The following PPT1 variants were observed in gnomAD, a reference collection of about 807,000 sequenced individuals.
PPT1 encodes palmitoyl-protein thioesterase 1, also known as ceroid-palmitoyl-palmitoyl-protein thioesterase 1.
In PPT1, 24 loss-of-function variants were observed where a neutral mutation model predicts 44.0. That is an observed-to-expected ratio of 0.54 (90% confidence interval 0.39 to 0.77). PPT1 has a LOEUF of 0.77. PPT1 is among the 30% of genes least tolerant of loss of function. PPT1 has a pLI of 0.00. For synonymous variants in PPT1, 148 were observed against 140.2 expected, an observed-to-expected ratio of 1.06 and a Z score of -0.39; for missense variants, 341 against 378.8, an observed-to-expected ratio of 0.90 and a Z score of 0.83.
chr1:40,083,816 A>G (rs1020888653), intron 5 of PPT1, among the ~76,000 whole-genome samples: 7 of 152,056 alleles, frequency 4.6e-5, no homozygotes, highest in Admixed American at 4.6e-4. Flanking sequence ...GAGGGTGAGG[A>G]GGGAAAATCA....
chr1:40,078,587 A>G lies in PPT1; in HGVS notation c.699T>C (p.Asp233=). Residue 233 remains aspartate (D), a synonymous_variant, in exon 7 of 9, where the codon GAT becomes GAC. Coordinates refer to ENST00000642050, the MANE Select transcript of PPT1 (RefSeq NM_000310.4). ...CCGAATCTACAGGGTCCACAATGGA[A>G]TCATTGAGGAATTTCACCATCACAA... ...KKFVMVKFLN[D]SIVDPVDSEW... The G allele has an allele frequency of 6.2e-7, 1 of 1,613,824 alleles. No individual in the cohort carries two copies. The highest frequency in any genetic ancestry group is 8.5e-7 in the Non-Finnish European group (1 of 1,179,758).
chr1:40,091,300 G>GA (rs1431901797), intron 4 of PPT1, 29 bp downstream of exon 4: 1 of 1,599,430 alleles, frequency 6.3e-7, no homozygotes, highest in Non-Finnish European at 8.6e-7. Flanking sequence ...TTAGAATACA[G>GA]AAAAAAGAAA....
chr1:40,092,488 G>A lies in PPT1; in HGVS notation c.144C>T (p.Pro48=), dbSNP rs1265214190. ...WHGMGDSCCN[P]LSMGAIKKMV... Reference sequence around the variant, plus strand: ...TTTTTTTAATAGCACCCATGCTTAAGGGATTGCAACAGCTGTCTCCTAGCC... The same window carrying A: ...TTTTTTTAATAGCACCCATGCTTAAAGGATTGCAACAGCTGTCTCCTAGCC... The change falls in exon 2 of 9, where the codon CCC becomes CCT. Residue 48 remains proline, a synonymous_variant. Coordinates refer to ENST00000642050, the MANE Select transcript of PPT1 (RefSeq NM_000310.4). 2 of 1,613,000 alleles carry A rather than the reference G, an allele frequency of 1.2e-6. No individual in the cohort carries two copies. Among genetic ancestry groups the A allele is most frequent in the Non-Finnish European group, 8.5e-7 (1 of 1,178,992 alleles).
intron 5 of PPT1, among the ~76,000 whole-genome samples, chr1:40,088,378 C>T: frequency 6.6e-6 from 1 of 152,062 alleles, no homozygotes; most frequent in East Asian, 1.9e-4. Context: ...AACTCTTGAC[C>T]TCATGATCCA....
intron 6 of PPT1, 25 bp downstream of exon 6, chr1:40,080,372 A>G: frequency 1.2e-6 from 2 of 1,603,646 alleles, no homozygotes; most frequent in Non-Finnish European, 8.5e-7. Flanking sequence ...ACGCACATCT[A>G]TGGGAGCCCG....
intron 8 of PPT1, 120 bp downstream of exon 8, chr1:40,076,722 A>C: frequency 6.3e-7 from 1 of 1,581,802 alleles, no homozygotes; most frequent in South Asian, 1.1e-5. Flanking sequence ...CAGGTGTTTC[A>C]GGAGTACCTA....
Position 40,073,898 on chromosome 1 carries a change from A to G in PPT1, c.*163T>C. 3 of 959,292 alleles carry G rather than the reference A, an allele frequency of 3.1e-6. No individual in the cohort carries two copies. Among genetic ancestry groups the G allele is most frequent in the East Asian group, 2.4e-5 (1 of 41,354 alleles). The allele number at this position is 959,292 out of a possible 1,614,324, so 59.4% of individuals were successfully genotyped here. On this transcript the variant is annotated 3_prime_UTR_variant, in exon 9 of 9. Transcript: ENST00000642050. ...ATATGGTAACAGAAGATGGCAAAGG[A>G]TAAGATTCAGATCTTAGATCTTTCC...
At position 40,073,253 on chromosome 1, in the gene PPT1, A is replaced by C. The variant is rs564570237; in HGVS notation, c.*808T>G. 2.0e-5 allele frequency: 3 copies of C among 152,288 alleles called. No homozygotes were observed. The highest frequency in any genetic ancestry group is 2.0e-4 in the Admixed American group (3 of 15,280). 9.4% of individuals were successfully genotyped at this position (152,288 alleles called of 1,614,324 possible). On this transcript the variant is annotated 3_prime_UTR_variant, in exon 9 of 9. Coordinates refer to ENST00000642050, the MANE Select transcript of PPT1 (RefSeq NM_000310.4). Reference sequence around the variant, plus strand: ...CTAAAGCCAGCAACAGAGTAAGTTGACTCTAGCATCAAGACCACTAGTCAT... The same window carrying C: ...CTAAAGCCAGCAACAGAGTAAGTTGCCTCTAGCATCAAGACCACTAGTCAT...
At position 40,072,873 on chromosome 1, in the gene PPT1, A is replaced by G. The variant is rs1648309535; in HGVS notation, c.*1188T>C. 6.6e-6 allele frequency: 1 copy of G among 152,240 alleles called. No homozygotes were observed. Among genetic ancestry groups the G allele is most frequent in the South Asian group, 2.1e-4 (1 of 4,832 alleles). 9.4% of individuals were successfully genotyped at this position (152,240 alleles called of 1,614,324 possible). A position where few individuals can be genotyped will look rare whatever the true frequency, so the allele number is the denominator to read the frequency against. The stretch of plus-strand genomic sequence containing the variant: ...TTAGCAGCACCAACACGGTTCTTTC[A>G]TCAAGGCGTAGCTCATCATTTCTCC... On this transcript the variant is annotated 3_prime_UTR_variant, in exon 9 of 9. Coordinates refer to ENST00000642050, the MANE Select transcript of PPT1 (RefSeq NM_000310.4).
chr1:40,096,979 T>C, intron 1 of PPT1, 136 bp downstream of exon 1: 1 of 1,493,068 alleles, frequency 6.7e-7, no homozygotes, highest in South Asian at 1.1e-5. Context: ...TGCAGATCCT[T>C]CAAATCCTAA....
Position 40,074,177 on chromosome 1 carries a change from G to A in PPT1, c.805C>T (p.Leu269=). ...GCATTGTCCATTTCCTTTAGCCCCA[G>A]GCGGTCCTGCAGAAGGAAAGGCCAT... ...QETSLYTQDR[L]GLKEMDNAGQ... Residue 269 remains leucine, a synonymous_variant, in exon 9 of 9, where the codon CTG becomes TTG. Transcript: ENST00000642050. 6.2e-7 allele frequency: 1 copy of A among 1,614,176 alleles called. No homozygotes were observed. The highest frequency in any genetic ancestry group is 1.1e-5 in the South Asian group (1 of 91,084).
intron 5 of PPT1, among the ~76,000 whole-genome samples, chr1:40,080,863 G>A (rs867845756): frequency 6.6e-6 from 1 of 152,122 alleles, no homozygotes; most frequent in Admixed American, 6.5e-5. Context: ...GACAGAGTGA[G>A]ACTCTGTCTC....
At chr1:40,081,268 G>A (rs998139454) in intron 5 of PPT1, among the ~76,000 whole-genome samples, 7 of 152,152 alleles carry the variant, frequency 4.6e-5, no homozygotes, top group African/African-American at 1.7e-4. Context: ...AGATTCTGTG[G>A]CTCATGCTTA....
rs139153836 is a variant in PPT1 at position 40,076,452 on chromosome 1, G to A, written c.798+390C>T. The stretch of plus-strand genomic sequence containing the variant: ...TGCACTCCAGCCTGGGTGACAGAGC[G>A]AGACCCCGTCTCAAAGAAAAAAAAA... On this transcript the variant is annotated intron_variant, in intron 8 of 8. Coordinates refer to ENST00000642050, the MANE Select transcript of PPT1 (RefSeq NM_000310.4). 1.6e-4 allele frequency among the ~76,000 whole-genome samples: 25 copies of A among 152,190 alleles called. No individual in the cohort carries two copies. In the East Asian group the frequency reaches 3.9e-3, roughly 24 times the overall value.
intron 1 of PPT1, among the ~76,000 whole-genome samples, chr1:40,093,121 C>T (rs758663352): frequency 6.6e-6 from 1 of 152,146 alleles, no homozygotes; most frequent in Non-Finnish European, 1.5e-5. Flanking sequence ...GAGAAACAAT[C>T]CAGCAGTCCA....
chr1:40,077,140 T>C (rs941888769), intron 7 of PPT1, among the ~76,000 whole-genome samples: 2 of 152,270 alleles, frequency 1.3e-5, no homozygotes, highest in African/African-American at 2.4e-5. Flanking sequence ...CCAGAATTTC[T>C]GCTTCCTAAA....
At chr1:40,087,571 C>A (rs189464067) in intron 5 of PPT1, among the ~76,000 whole-genome samples, 3 of 152,052 alleles carry the variant, frequency 2.0e-5, no homozygotes, top group Admixed American at 6.6e-5. Context: ...TCACTTGTCA[C>A]CCCCCGACGG....
In PPT1 at chr1:40,073,998, T is replaced by C; in HGVS notation, c.*63A>G. ...GCTCAGGCTTGGGCATGAAGGAAAC[T>C]GTCTCCCATGTGGTTTGGAAGAGTT... On this transcript the variant is annotated 3_prime_UTR_variant, in exon 9 of 9. Transcript: ENST00000642050. 1.2e-6 allele frequency: 2 copies of C among 1,604,822 alleles called. No homozygotes were observed. The highest frequency in any genetic ancestry group is 2.2e-5 in the East Asian group (1 of 44,830).
intron 5 of PPT1, among the ~76,000 whole-genome samples, chr1:40,088,507 T>C (rs1338646337): frequency 2.0e-5 from 3 of 152,184 alleles, no homozygotes; most frequent in Non-Finnish European, 1.5e-5. Flanking sequence ...GGTTCTGATA[T>C]ACAATTAAGT....
Sources: allele counts gnomAD v4.1 joint callset (sites outside exome capture counted in the v4.1 genomes callset), GRCh38; gene constraint gnomAD v4.1.1; transcripts MANE v1.5; gene names NCBI Gene and HGNC (gene_info 2026-07-23, HGNC 2026-07-21).